The following ARHGAP10 variants were observed in gnomAD, a reference collection of about 807,000 sequenced individuals.
The protein encoded by ARHGAP10 is rho GTPase-activating protein 10.
A neutral mutation model predicts 108.6 loss-of-function variants in ARHGAP10; 87 were observed. The ratio of observed to expected loss-of-function variants is 0.80; its 90% CI spans 0.67 to 0.96. ARHGAP10 has a LOEUF of 0.96. ARHGAP10 is among the 40% of genes least tolerant of loss of function. ARHGAP10 has a pLI of 0.00. For synonymous variants in ARHGAP10, 347 were observed against 341.1 expected, an observed-to-expected ratio of 1.02 and a Z score of -0.19; for missense variants, 939 against 954.5, an observed-to-expected ratio of 0.98 and a Z score of 0.21.
At chr4:147,889,900 T>C (rs897245871) in intron 10 of ARHGAP10, among the ~76,000 whole-genome samples, 4 of 152,062 alleles carry the variant, frequency 2.6e-5, no homozygotes, top group Non-Finnish European at 5.9e-5. Flanking sequence ...TTAAACGGGG[T>C]TAAAGTTTAT....
At chr4:147,794,901 G>A (rs1375615065) in intron 1 of ARHGAP10, among the ~76,000 whole-genome samples, 2 of 152,156 alleles carry the variant, frequency 1.3e-5, no homozygotes, top group African/African-American at 4.8e-5. Context: ...CATCTAGGTG[G>A]TTTCCAACAT....
intron 1 of ARHGAP10, among the ~76,000 whole-genome samples, chr4:147,806,378 A>C (rs1342318200): frequency 6.6e-6 from 1 of 151,726 alleles, no homozygotes; most frequent in Non-Finnish European, 1.5e-5. Context: ...GATTATAGTA[A>C]TCAGATAACA....
At chr4:147,978,814 G>A (rs926106446) in intron 18 of ARHGAP10, among the ~76,000 whole-genome samples, 1 of 152,132 alleles carries the variant, frequency 6.6e-6, no homozygotes, top group Non-Finnish European at 1.5e-5. Flanking sequence ...GAAGATTAAT[G>A]ATGTTGAACA....
chr4:148,061,727 T>G (rs1729629489), intron 20 of ARHGAP10, among the ~76,000 whole-genome samples: 1 of 152,116 alleles, frequency 6.6e-6, no homozygotes, highest in African/African-American at 2.4e-5. Context: ...CCACTTTTGG[T>G]TTTAGAGCTT....
chr4:147,810,978 T>A (rs1390325543), intron 1 of ARHGAP10, among the ~76,000 whole-genome samples: 3 of 152,334 alleles, frequency 2.0e-5, no homozygotes, highest in African/African-American at 4.8e-5. Context: ...CGGGGACAAG[T>A]TTAGCTCCCC....
Position 147,759,290 on chromosome 4 carries a change from G to T in ARHGAP10, c.154+26835G>T, listed in dbSNP as rs1244698140. ...ACTCTTAGAGAAACAGAGGCTCAGA[G>T]GTGAAATAACTTTCCCAAACCAGGA... is the stretch of plus-strand genomic sequence containing the variant. On this transcript the variant is annotated intron_variant, in intron 1 of 22. Transcript: ENST00000336498. Among the ~76,000 whole-genome samples the T allele has an allele frequency of 3.3e-5, 5 of 152,156 alleles. No individual in the cohort carries two copies. In the East Asian group the frequency reaches 9.6e-4, roughly 29 times the overall value.
rs1416648068 is a variant in ARHGAP10, at chr4:147,745,488, T to G, written c.154+13033T>G. ...GGTCCATCTCAGAGCACAAAGTGTT[T>G]GTTTGTTTGTTTGTTTGTTTTGAGA... On this transcript the variant is annotated intron_variant, in intron 1 of 22. Transcript: ENST00000336498. 2.0e-5 allele frequency: 3 copies of G among 153,252 alleles called. No individual in the cohort carries two copies. The East Asian group carries it at 5.6e-4, about 29-fold the overall frequency. The allele number at this position is 153,252 out of a possible 1,614,324, so 9.5% of individuals were successfully genotyped here. A position where few individuals can be genotyped will look rare whatever the true frequency, so the allele number is the denominator to read the frequency against.
intron 12 of ARHGAP10, among the ~76,000 whole-genome samples, chr4:147,911,552 C>CG (rs1327352840): frequency 2.0e-5 from 3 of 152,124 alleles, no homozygotes; most frequent in African/African-American, 7.2e-5. Flanking sequence ...TTAGTAGAGA[C>CG]GGGGTTTCAC....
intron 18 of ARHGAP10, among the ~76,000 whole-genome samples, chr4:148,000,071 C>G (rs564790253): frequency 6.6e-6 from 1 of 152,000 alleles, no homozygotes; most frequent in South Asian, 2.1e-4. Context: ...TGCTGTCCCT[C>G]CCCCTCTCCC....
At chr4:147,893,243 G>C (rs1735857255) in intron 10 of ARHGAP10, among the ~76,000 whole-genome samples, 1 of 151,738 alleles carries the variant, frequency 6.6e-6, no homozygotes, top group South Asian at 2.1e-4. Flanking sequence ...ATTTTTAGTA[G>C]AGACGGGTTT....
chr4:147,832,994 C>T (rs939399930), intron 3 of ARHGAP10, among the ~76,000 whole-genome samples: 2 of 152,104 alleles, frequency 1.3e-5, no homozygotes, highest in South Asian at 2.1e-4. Flanking sequence ...GAAAACCTTC[C>T]GTTGAGACCT....
intron 4 of ARHGAP10, chr4:147,854,864 T>C: frequency 1.0e-6 from 1 of 985,394 alleles, no homozygotes; most frequent in African/African-American, 1.7e-5. Flanking sequence ...GTTGTTATTG[T>C]TGTTTCTTGG....
In ARHGAP10 at chr4:148,072,047, G is replaced by T; in HGVS notation, c.2327G>T (p.Gly776Val). ...WLEGTLNGKR[G>V]LIPQNYVKLL is the part of the protein sequence containing the mutation. ...GAAGGGACTCTGAACGGCAAGAGGG[G>T]GCTGATTCCACAGAACTACGTCAAG... The change falls in exon 23 of 23, where the codon GGG (glycine) becomes GTG (valine). Residue 776 changes from glycine to valine, a missense_variant. By Grantham distance (109) the Gly-to-Val change is moderately radical. Transcript: ENST00000336498. The T allele has an allele frequency of 6.2e-7, 1 of 1,613,562 alleles. No homozygotes were observed. The highest frequency in any genetic ancestry group is 8.5e-7 in the Non-Finnish European group (1 of 1,179,806).
At chr4:147,866,540 A>G (rs1185932422) in intron 6 of ARHGAP10, 172 bp from the exon 7 acceptor site, 3 of 543,130 alleles carry the variant, frequency 5.5e-6, no homozygotes, top group African/African-American at 1.9e-5. Flanking sequence ...ATAAAGACCA[A>G]TTAATAGATA....
chr4:147,859,512 G>A lies in ARHGAP10; in HGVS notation c.486+1858G>A, dbSNP rs547777026. Among the ~76,000 whole-genome samples the A allele has an allele frequency of 3.9e-4, 60 of 152,170 alleles. 1 individual carries two copies. Among genetic ancestry groups the A allele is most frequent in the African/African-American group, 1.4e-3 (57 of 41,506 alleles). The stretch of plus-strand genomic sequence containing the variant: ...TGTTCTTGAACTCCTGACCTCAGGC[G>A]ATCCACCCACCTTGGCCTCCCAAAG... On this transcript the variant is annotated intron_variant, in intron 5 of 22. Transcript: ENST00000336498.
At chr4:147,820,030 A>G (rs1732418532) in intron 1 of ARHGAP10, among the ~76,000 whole-genome samples, 1 of 152,152 alleles carries the variant, frequency 6.6e-6, no homozygotes, top group Non-Finnish European at 1.5e-5. Context: ...AGGAAATAAG[A>G]CGGCAGTAGA....
chr4:147,751,473 C>T (rs1729147843), intron 1 of ARHGAP10, among the ~76,000 whole-genome samples: 1 of 151,432 alleles, frequency 6.6e-6, no homozygotes, highest in South Asian at 2.1e-4. Flanking sequence ...AAGCAATTCT[C>T]CTGTCTCAGC....
intron 18 of ARHGAP10, among the ~76,000 whole-genome samples, chr4:148,015,261 T>C (rs953988570): frequency 6.6e-6 from 1 of 152,200 alleles, no homozygotes; most frequent in African/African-American, 2.4e-5. Flanking sequence ...AGGGGTACTT[T>C]GTTGGAAAGA....
At chr4:148,059,103 C>T (rs1041357558) in intron 20 of ARHGAP10, among the ~76,000 whole-genome samples, 1 of 152,130 alleles carries the variant, frequency 6.6e-6, no homozygotes, top group Non-Finnish European at 1.5e-5. Flanking sequence ...TCTATTTGTC[C>T]CCTTTCTTTG....
Sources: gnomAD v4.1 joint callset for allele counts (sites outside exome capture counted in the v4.1 genomes callset) on GRCh38, gnomAD v4.1.1 for gene constraint, MANE v1.5 for transcripts, NCBI Gene and HGNC (gene_info 2026-07-23, HGNC 2026-07-21) for gene names.